The following SLC4A4 variants were observed in gnomAD, a reference collection of about 807,000 sequenced individuals.
SLC4A4 encodes solute carrier family 4 member 4.
SLC4A4 carries 27 observed loss-of-function variants against 111.5 expected under a neutral mutation model. That is an observed-to-expected ratio of 0.24 (90% CI 0.18 to 0.33). SLC4A4 has a LOEUF of 0.33. SLC4A4 is among the 10% of genes least tolerant of loss of function. The pLI, the probability that SLC4A4 is intolerant of heterozygous loss-of-function variation, is 1.00. For missense variants in SLC4A4, 909 were observed against 1,315.5 expected, an observed-to-expected ratio of 0.69 and a Z score of 4.78; for synonymous variants, 443 against 463.4, an observed-to-expected ratio of 0.96 and a Z score of 0.57.
At chr4:71,314,352 G>A (rs1469896044) in intron 3 of SLC4A4, among the ~76,000 whole-genome samples, 1 of 151,980 alleles carries the variant, frequency 6.6e-6, no homozygotes, top group African/African-American at 2.4e-5. Context: ...TGTGGAAGAT[G>A]GTGTGGCGAT....
rs539197023 is a variant in SLC4A4, at chr4:71,555,999, A to G, written c.2763+791A>G. Reference sequence around the variant, plus strand: ...CTGGCACCTTGTTAACTGTAGCCTTATTTAGCACTTAGTAATATTTTAATG... The same window carrying G: ...CTGGCACCTTGTTAACTGTAGCCTTGTTTAGCACTTAGTAATATTTTAATG... On this transcript the variant is annotated intron_variant, in intron 21 of 25. Transcript: ENST00000264485. 2.1e-4 allele frequency among the ~76,000 whole-genome samples: 32 copies of G among 152,074 alleles called. 1 individual carries two copies. The highest frequency in any genetic ancestry group is 7.7e-4 in the African/African-American group (32 of 41,558).
intron 7 of SLC4A4, among the ~76,000 whole-genome samples, chr4:71,407,933 T>A (rs1474756980): frequency 6.6e-6 from 1 of 152,168 alleles, no homozygotes; most frequent in East Asian, 1.9e-4. Context: ...GTTCTTTGAC[T>A]TTCAGGCTGT....
chr4:71,175,380 C>CA (rs1745058016), intron 2 of SLC4A4, among the ~76,000 whole-genome samples: 1 of 152,226 alleles, frequency 6.6e-6, no homozygotes. Context: ...CAGGGCGAGG[C>CA]ATCGCCTCAC....
intron 3 of SLC4A4, among the ~76,000 whole-genome samples, chr4:71,285,905 T>C (rs570505235): frequency 6.6e-6 from 1 of 152,268 alleles, no homozygotes; most frequent in Non-Finnish European, 1.5e-5. Flanking sequence ...AATTCTCAAA[T>C]TTAAATGAGC....
intron 6 of SLC4A4, among the ~76,000 whole-genome samples, chr4:71,387,454 C>T (rs954679680): frequency 2.0e-5 from 3 of 152,014 alleles, no homozygotes; most frequent in Non-Finnish European, 4.4e-5. Flanking sequence ...ATGTCATATA[C>T]TAAGTTTACC....
At chr4:71,093,841 T>G (rs980766666) in intron 2 of SLC4A4, among the ~76,000 whole-genome samples, 1 of 152,212 alleles carries the variant, frequency 6.6e-6, no homozygotes, top group African/African-American at 2.4e-5. Context: ...AAAATAGTTT[T>G]TATCTTCAAA....
At chr4:71,172,250 T>C (rs1744965086) in intron 2 of SLC4A4, among the ~76,000 whole-genome samples, 3 of 151,966 alleles carry the variant, frequency 2.0e-5, no homozygotes, top group Admixed American at 6.5e-5. Context: ...AGATATTTTC[T>C]TTTTCTTTCT....
intron 2 of SLC4A4, among the ~76,000 whole-genome samples, chr4:71,154,663 T>C (rs1379663473): frequency 1.3e-5 from 2 of 152,144 alleles, no homozygotes; most frequent in African/African-American, 4.8e-5. Context: ...ATTGTAAGTA[T>C]TAACACCTGG....
intron 1 of SLC4A4, among the ~76,000 whole-genome samples, chr4:71,213,612 G>T (rs1472750484): frequency 6.6e-6 from 1 of 152,176 alleles, no homozygotes; most frequent in Non-Finnish European, 1.5e-5. Context: ...AAATCTCCCT[G>T]ATATGGACTG....
chr4:71,144,965 C>A (rs1744122390), intron 2 of SLC4A4, among the ~76,000 whole-genome samples: 1 of 151,986 alleles, frequency 6.6e-6, no homozygotes, highest in African/African-American at 2.4e-5. Flanking sequence ...ATTGCCCTGG[C>A]CAGAACTTCC....
At chr4:71,163,355 G>T (rs1182722889) in intron 2 of SLC4A4, among the ~76,000 whole-genome samples, 1 of 152,158 alleles carries the variant, frequency 6.6e-6, no homozygotes, top group African/African-American at 2.4e-5. Context: ...CAAAGTAATA[G>T]ACTGCTTTGC....
intron 9 of SLC4A4, among the ~76,000 whole-genome samples, chr4:71,449,215 C>T (rs975415097): frequency 1.3e-5 from 2 of 152,110 alleles, no homozygotes; most frequent in Non-Finnish European, 2.9e-5. Context: ...AACGACATTG[C>T]CTACCATCAG....
chr4:71,204,991 G>T (rs189873525), intron 1 of SLC4A4, among the ~76,000 whole-genome samples: 222 of 152,332 alleles, frequency 1.5e-3, no homozygotes, highest in African/African-American at 5.1e-3. Context: ...ATCCTGAGGA[G>T]ACTGAGGTCA....
At chr4:71,376,066 CAT>C (rs1159793136) in intron 6 of SLC4A4, among the ~76,000 whole-genome samples, 2 of 145,168 alleles carry the variant, frequency 1.4e-5, no homozygotes. Flanking sequence ...TATATATATA[CAT>C]ATACACGTAT....
chr4:71,085,692 G>C (rs1404175769), intron 1 of SLC4A4, among the ~76,000 whole-genome samples: 2 of 151,978 alleles, frequency 1.3e-5, no homozygotes, highest in Non-Finnish European at 2.9e-5. Context: ...TTTTTGTCAG[G>C]TTTGTCAAAG....
intron 6 of SLC4A4, among the ~76,000 whole-genome samples, chr4:71,372,254 T>C (rs1222845862): frequency 2.6e-5 from 4 of 152,244 alleles, no homozygotes; most frequent in African/African-American, 9.6e-5. Flanking sequence ...CATTGTCACC[T>C]GAGGCAGATG....
chr4:71,197,106 T>G (rs2148999687), intron 1 of SLC4A4, among the ~76,000 whole-genome samples: 1 of 151,974 alleles, frequency 6.6e-6, no homozygotes, highest in South Asian at 2.1e-4. Context: ...TCCCAGCTAC[T>G]TGGGAGGCTA....
chr4:71,100,201 C>T (rs1742683306), intron 2 of SLC4A4, among the ~76,000 whole-genome samples: 1 of 152,120 alleles, frequency 6.6e-6, no homozygotes, highest in African/African-American at 2.4e-5. Flanking sequence ...GCAAAATCCT[C>T]AATGAAATAC....
intron 2 of SLC4A4, among the ~76,000 whole-genome samples, chr4:71,248,127 G>A (rs1043448845): frequency 1.3e-5 from 2 of 152,084 alleles, no homozygotes; most frequent in African/African-American, 2.4e-5. Context: ...GTTAAGAATA[G>A]GTCTGAGGTT....
Sources: allele counts gnomAD v4.1 joint callset (sites outside exome capture counted in the v4.1 genomes callset), GRCh38; gene constraint gnomAD v4.1.1; transcripts MANE v1.5; gene names NCBI Gene and HGNC (gene_info 2026-07-23, HGNC 2026-07-21).